The following SPG11 variants were observed in gnomAD, a reference collection of about 807,000 sequenced individuals.
The protein encoded by SPG11 is spatacsin.
In SPG11, 222 loss-of-function variants were observed where a neutral mutation model predicts 274.0. That is an observed-to-expected ratio of 0.81 (90% CI 0.73 to 0.91). The LOEUF is 0.91. Among genes scored for constraint, SPG11 ranks in the 40% least tolerant of loss-of-function variants. The pLI, the probability that SPG11 is intolerant of heterozygous loss-of-function variation, is 0.00. For missense variants in SPG11, 3,114 were observed against 2,872.7 expected (o/e 1.08, Z -1.92); for synonymous variants, 1,144 against 1,039.7 (o/e 1.10, Z -1.93).
chr15:44,572,911 A>T, intron 32 of SPG11, 91 bp from the exon 33 acceptor site: 1 of 1,182,194 alleles, frequency 8.5e-7, no homozygotes. Flanking sequence ...ATGCTTATGG[A>T]GCTCTGCAGC....
chr15:44,591,832 G>A (rs999393044), intron 27 of SPG11, among the ~76,000 whole-genome samples: 5 of 151,886 alleles, frequency 3.3e-5, no homozygotes, highest in Non-Finnish European at 5.9e-5. Context: ...AAAAATGATC[G>A]GGTGCAGTGG....
chr15:44,596,477 T>A, intron 24 of SPG11, 122 bp from the exon 25 acceptor site: 1 of 1,122,500 alleles, frequency 8.9e-7, no homozygotes, highest in Non-Finnish European at 1.3e-6. Context: ...TCAGAGTGAC[T>A]ATTATGTAAT....
intron 39 of SPG11, among the ~76,000 whole-genome samples, chr15:44,564,239 C>G (rs371691722): frequency 1.3e-5 from 2 of 151,838 alleles, no homozygotes; most frequent in African/African-American, 4.8e-5. Flanking sequence ...GTGATCCTCC[C>G]GCCTCGGCCT....
chr15:44,579,712 A>G (rs941601827), intron 30 of SPG11, among the ~76,000 whole-genome samples: 1 of 152,168 alleles, frequency 6.6e-6, no homozygotes, highest in Non-Finnish European at 1.5e-5. Context: ...AGAAAAATGG[A>G]AAGTCTCAGC....
intron 9 of SPG11, 46 bp downstream of exon 9, chr15:44,629,187 G>C: frequency 1.3e-6 from 2 of 1,596,322 alleles, no homozygotes; most frequent in Non-Finnish European, 1.7e-6. Flanking sequence ...TATCTGTTCT[G>C]ACACAGGAAC....
In SPG11 at chr15:44,596,860, A is replaced by G. The variant is rs757078269; in HGVS notation, c.4085T>C (p.Leu1362Pro). The G allele has an allele frequency of 7.4e-6, 12 of 1,613,820 alleles. No individual in the cohort carries two copies. The highest frequency in any genetic ancestry group is 1.0e-5 in the Non-Finnish European group (12 of 1,179,984). Residue 1362 changes from leucine (L) to proline (P), a missense_variant, in exon 24 of 40, where the codon CTT becomes CCT. Transcript: ENST00000261866. ...LHNMKLSISY[L>P]RECAKANDWL... ...ATCATTTGCTTTGGCACATTCTCTA[A>G]GGTAAGATATGCTTAGTTTCATATT...
At position 44,608,557 on chromosome 15, in the gene SPG11, G is replaced by A; in HGVS notation, c.3340C>T (p.Gln1114Ter). Reference protein sequence around the residue: ...NENCLKKVDPQLLKMALTPYP... With the variant: ...NENCLKKVDP ...GGAGTTAATGCCATCTTCAATAGCT[G>A]GGGATCCACTTTCTTCAAACAGTTT... The change falls in exon 19 of 40, where the codon CAG becomes TAG. Residue 1114 changes from glutamine to a stop codon, truncating the protein, a stop_gained. Coordinates refer to ENST00000261866, the MANE Select transcript of SPG11 (RefSeq NM_025137.4). LOFTEE classifies it high-confidence loss of function. 1 of 1,614,064 alleles carries A rather than the reference G, an allele frequency of 6.2e-7. No homozygotes were observed. Among genetic ancestry groups the A allele is most frequent in the Non-Finnish European group, 8.5e-7 (1 of 1,180,006 alleles).
Position 44,595,434 on chromosome 15 carries a change from C to G in SPG11, c.4460G>C (p.Cys1487Ser). 6 of 1,614,156 alleles carry G rather than the reference C, an allele frequency of 3.7e-6. No individual in the cohort carries two copies. Among genetic ancestry groups the G allele is most frequent in the Non-Finnish European group, 5.1e-6 (6 of 1,180,024 alleles). Residue 1487 changes from cysteine to serine, a missense_variant, in exon 26 of 40, where the codon TGT becomes TCT. Coordinates refer to ENST00000261866, the MANE Select transcript of SPG11 (RefSeq NM_025137.4). ...CTCCACAGAAGTGATGATCCAAACA[C>G]AGAGACAAGAAATGGCACTGGCACC... is the stretch of plus-strand genomic sequence containing the variant. ...LQGASAISCLCVWIITSVEDN... is the reference protein window; with the variant it reads ...LQGASAISCLSVWIITSVEDN...
intron 31 of SPG11, 65 bp downstream of exon 31, chr15:44,574,837 A>C (rs906582188): frequency 6.2e-7 from 1 of 1,603,956 alleles, no homozygotes; most frequent in Non-Finnish European, 8.5e-7. Flanking sequence ...CAATGTCCAA[A>C]ATCAACCTCA....
intron 29 of SPG11, among the ~76,000 whole-genome samples, chr15:44,585,328 G>A (rs2082733826): frequency 6.6e-6 from 1 of 150,570 alleles, no homozygotes; most frequent in Non-Finnish European, 1.5e-5. Context: ...GGTGGCTCAC[G>A]CCTGTAATCC....
At chr15:44,658,684 C>T (rs1334775460) in intron 3 of SPG11, among the ~76,000 whole-genome samples, 1 of 152,098 alleles carries the variant, frequency 6.6e-6, no homozygotes, top group Non-Finnish European at 1.5e-5. Context: ...TGGTCTCGAA[C>T]TCCTGACCTT....
chr15:44,659,050 T>C (rs763246839), intron 3 of SPG11, 29 bp downstream of exon 3: 11 of 1,600,532 alleles, frequency 6.9e-6, no homozygotes, highest in African/African-American at 1.3e-5. Flanking sequence ...CCTCTACGTA[T>C]CAATCAACAC....
At chr15:44,576,050 G>C (rs912593348) in intron 30 of SPG11, among the ~76,000 whole-genome samples, 2 of 150,296 alleles carry the variant, frequency 1.3e-5, no homozygotes, top group Non-Finnish European at 2.9e-5. Context: ...GCTGAGGCAG[G>C]AGAATTGCTT....
In SPG11 at chr15:44,567,626, A is replaced by G. The variant is rs1310053680; in HGVS notation, c.6586-34T>C. ...AATAAAAGGGAAAAAGCAAGGTGTC[A>G]GTCAGGGACTGCAAGGCAGACAGGA... On this transcript the variant is annotated intron_variant, in intron 35 of 39. Transcript: ENST00000261866. 3 of 1,612,570 alleles carry G rather than the reference A, an allele frequency of 1.9e-6. No individual in the cohort carries two copies. In the East Asian group the frequency reaches 6.7e-5, roughly 36 times the overall value.
chr15:44,654,326 A>G (rs1654919354), intron 4 of SPG11, among the ~76,000 whole-genome samples: 1 of 151,994 alleles, frequency 6.6e-6, no homozygotes, highest in Non-Finnish European at 1.5e-5. Context: ...CCCGGCCAAC[A>G]TGGCGAAACC....
Position 44,589,360 on chromosome 15 carries a change from C to A in SPG11, c.4798G>T (p.Asp1600Tyr), listed in dbSNP as rs770380861. 6.2e-7 allele frequency: 1 copy of A among 1,614,174 alleles called. No homozygotes were observed. The highest frequency in any genetic ancestry group is 8.5e-7 in the Non-Finnish European group (1 of 1,179,988). Residue 1600 changes from aspartate (D) to tyrosine (Y), a missense_variant, in exon 28 of 40, where the codon GAT (aspartate) becomes TAT (tyrosine). Transcript: ENST00000261866. ...HPVIPAMWLE[D>Y]QVCFLLKLML... ...AGCTTCAAAAGGAAACACACCTGAT[C>A]CTCCAGCCACATGGCAGGGATGACA...
At chr15:44,615,680 G>C (rs2083576546) in intron 15 of SPG11, 114 bp from the exon 16 acceptor site, 1 of 940,482 alleles carries the variant, frequency 1.1e-6, no homozygotes, top group East Asian at 2.6e-5. Flanking sequence ...ACAAATTAAT[G>C]CTGCCAGTTC....
At position 44,659,173 on chromosome 15, in the gene SPG11, G is replaced by A. The variant is rs1374374638; in HGVS notation, c.573C>T (p.Phe191=). 1 of 1,614,096 alleles carries A rather than the reference G, an allele frequency of 6.2e-7. No individual in the cohort carries two copies. Among genetic ancestry groups the A allele is most frequent in the East Asian group, 2.2e-5 (1 of 44,892 alleles). Residue 191 remains phenylalanine (F), a synonymous_variant, in exon 3 of 40, where the codon TTC becomes TTT. Transcript: ENST00000261866. The part of the protein sequence containing the change: ...RDAAIRVLNC[F]TLPLPAQAVD... ...CTGCCTGTGCAGGCAAGGGAAGTGTGAAACAGTTGAGTACTCTAATTGCAG... is the reference window on the plus strand; with the variant it reads ...CTGCCTGTGCAGGCAAGGGAAGTGTAAAACAGTTGAGTACTCTAATTGCAG...
intron 29 of SPG11, 57 bp downstream of exon 29, chr15:44,585,579 G>A: frequency 6.9e-7 from 1 of 1,458,418 alleles, no homozygotes; most frequent in Non-Finnish European, 9.5e-7. Context: ...TCCAGCCTGG[G>A]TGACAGAGCA....
Sources: gnomAD v4.1 joint callset for allele counts (sites outside exome capture counted in the v4.1 genomes callset) on GRCh38, gnomAD v4.1.1 for gene constraint, MANE v1.5 for transcripts, NCBI Gene and HGNC (gene_info 2026-07-23, HGNC 2026-07-21) for gene names.